Variants in ABCB1 observed in about 807,000 individuals in gnomAD.
ABCB1 encodes the protein ATP binding cassette subfamily B member 1.
A neutral mutation model predicts 142.0 loss-of-function variants in ABCB1; 69 were observed. The observed-to-expected ratio is 0.49, with a 90% CI of 0.40 to 0.59. ABCB1 has a LOEUF of 0.59. Ranked by LOEUF, ABCB1 falls within the 20% of genes least tolerant of loss-of-function variation. The probability of loss-of-function intolerance (pLI) is 0.00; values close to 1 mark genes in which losing one functional copy is unlikely to be tolerated. For missense variants in ABCB1, 1,326 were observed against 1,554.7 expected, an observed-to-expected ratio of 0.85 and a Z score of 2.47; for synonymous variants, 532 against 539.2, an observed-to-expected ratio of 0.99 and a Z score of 0.18.
rs534195490 is a variant in ABCB1, at chr7:87,599,449, G to A, written c.68+668C>T. Among the ~76,000 whole-genome samples the A allele has an allele frequency of 1.2e-4, 19 of 152,260 alleles. No individual in the cohort carries two copies. In the South Asian group the frequency reaches 3.3e-3, roughly 27 times the overall value. ...GCCATTTACCGGAAGCAAGAGCCTG[G>A]ACCACAGAGCAGATCACCAGCAGCA... On this transcript the variant is annotated intron_variant, in intron 2 of 27. Transcript: ENST00000622132.
At chr7:87,513,728 A>G (rs1815115550) in intron 25 of ABCB1, among the ~76,000 whole-genome samples, 1 of 152,206 alleles carries the variant, frequency 6.6e-6, no homozygotes, top group South Asian at 2.1e-4. Flanking sequence ...TTATCTCTTA[A>G]GAACTAGCTC....
chr7:87,577,150 A>G (rs1016864140), intron 4 of ABCB1, among the ~76,000 whole-genome samples: 1 of 152,178 alleles, frequency 6.6e-6, no homozygotes, highest in African/African-American at 2.4e-5. Context: ...GCTCCCACAA[A>G]TAAGTGAGAA....
chr7:87,595,370 T>C (rs770274198), intron 3 of ABCB1, among the ~76,000 whole-genome samples: 1 of 152,126 alleles, frequency 6.6e-6, no homozygotes, highest in African/African-American at 2.4e-5. Flanking sequence ...AAAATTTGCA[T>C]AGTAATAAAT....
intron 1 of ABCB1, among the ~76,000 whole-genome samples, chr7:87,652,175 T>G (rs1050267692): frequency 5.3e-5 from 8 of 152,150 alleles, no homozygotes; most frequent in African/African-American, 1.4e-4. Flanking sequence ...TGTACCTTGA[T>G]GTTCATGAGA....
chr7:87,544,082 T>A, intron 17 of ABCB1, 47 bp downstream of exon 17: 1 of 1,607,772 alleles, frequency 6.2e-7, no homozygotes, highest in East Asian at 2.2e-5. Context: ...CGTTCATTCT[T>A]CCATCAGGAT....
intron 14 of ABCB1, among the ~76,000 whole-genome samples, chr7:87,547,636 G>A (rs746001651): frequency 2.0e-5 from 3 of 152,026 alleles, no homozygotes; most frequent in Non-Finnish European, 2.9e-5. Context: ...TTGGGAGGCC[G>A]AGGCAGGTGG....
chr7:87,513,928 C>T (rs1315124634), intron 25 of ABCB1, among the ~76,000 whole-genome samples: 1 of 152,132 alleles, frequency 6.6e-6, no homozygotes, highest in Admixed American at 6.5e-5. Context: ...TGGCTGTCAG[C>T]GACGTCTTTA....
intron 4 of ABCB1, among the ~76,000 whole-genome samples, chr7:87,583,326 T>C (rs1818599876): frequency 6.6e-6 from 1 of 152,178 alleles, no homozygotes; most frequent in African/African-American, 2.4e-5. Flanking sequence ...TAAAAATTGG[T>C]AAGGGTGTGG....
intron 1 of ABCB1, among the ~76,000 whole-genome samples, chr7:87,641,547 G>T (rs1822453521): frequency 6.6e-6 from 1 of 152,104 alleles, no homozygotes; most frequent in Admixed American, 6.5e-5. Context: ...GCACTGATTT[G>T]GGGGCGACAG....
intron 4 of ABCB1, among the ~76,000 whole-genome samples, chr7:87,582,686 C>G (rs909984298): frequency 3.3e-5 from 5 of 152,238 alleles, no homozygotes; most frequent in Non-Finnish European, 7.3e-5. Flanking sequence ...TAGAAGCAGC[C>G]ATAGGCTGCT....
At chr7:87,618,973 A>G (rs1820125814) in intron 1 of ABCB1, among the ~76,000 whole-genome samples, 1 of 152,198 alleles carries the variant, frequency 6.6e-6, no homozygotes, top group African/African-American at 2.4e-5. Flanking sequence ...ATTCTTTCCC[A>G]GAGTCTCCAG....
intron 1 of ABCB1, among the ~76,000 whole-genome samples, chr7:87,624,332 T>A (rs1345944851): frequency 6.6e-6 from 1 of 152,236 alleles, no homozygotes. Context: ...GCTGGGTTTA[T>A]GGCATATTTA....
chr7:87,691,409 T>C (rs1198861578), intron 1 of ABCB1, among the ~76,000 whole-genome samples: 3 of 152,206 alleles, frequency 2.0e-5, no homozygotes, highest in Admixed American at 2.0e-4. Flanking sequence ...ACTGTTGTAT[T>C]TGAATGCATT....
chr7:87,699,395 T>C (rs2130686552), intron 1 of ABCB1, among the ~76,000 whole-genome samples: 1 of 152,168 alleles, frequency 6.6e-6, no homozygotes, highest in African/African-American at 2.4e-5. Context: ...AGACTAATAT[T>C]CAGAGTCCTG....
intron 1 of ABCB1, among the ~76,000 whole-genome samples, chr7:87,657,282 A>G (rs1468288709): frequency 1.3e-5 from 2 of 152,100 alleles, no homozygotes; most frequent in African/African-American, 2.4e-5. Context: ...AGGCAAAGGG[A>G]AAAAAACAAC....
chr7:87,613,454 G>A (rs1159469249), intron 1 of ABCB1, among the ~76,000 whole-genome samples: 1 of 151,600 alleles, frequency 6.6e-6, no homozygotes, highest in African/African-American at 2.4e-5. Flanking sequence ...CAAAGACATA[G>A]GATTAACCAA....
At chr7:87,570,297 T>C in intron 4 of ABCB1, 74 bp from the exon 5 acceptor site, 3 of 1,276,074 alleles carry the variant, frequency 2.4e-6, no homozygotes, top group Non-Finnish European at 3.4e-6. Context: ...TAAAAATGAA[T>C]CAAACTCATT....
At chr7:87,702,109 C>T (rs1003053710) in intron 1 of ABCB1, among the ~76,000 whole-genome samples, 2 of 125,504 alleles carry the variant, frequency 1.6e-5, no homozygotes, top group African/African-American at 3.1e-5. Context: ...CGCCACTGCA[C>T]TCCAGCCTGG....
chr7:87,568,800 TTCTA>T (rs1042826787), intron 5 of ABCB1, among the ~76,000 whole-genome samples: 21 of 152,322 alleles, frequency 1.4e-4, no homozygotes, highest in African/African-American at 4.1e-4. Context: ...AGAGATAGTA[TTCTA>T]TCTAAGTGTT....
Sources: allele counts gnomAD v4.1 joint callset (sites outside exome capture counted in the v4.1 genomes callset), GRCh38; gene constraint gnomAD v4.1.1; transcripts MANE v1.5; gene names NCBI Gene and HGNC (gene_info 2026-07-23, HGNC 2026-07-21).